EVC2: variants seen among roughly 807,000 people sequenced by gnomAD.
EVC2 encodes the protein limbin.
A neutral mutation model predicts 149.3 loss-of-function variants in EVC2; 148 were observed. The ratio of observed to expected loss-of-function variants is 0.99; its 90% CI spans 0.87 to 1.14. EVC2 has a LOEUF of 1.14. EVC2 is among the 50% of genes most tolerant of loss of function. The probability of loss-of-function intolerance (pLI) is 0.00; values close to 1 mark genes in which losing one functional copy is unlikely to be tolerated. For missense variants in EVC2, 1,854 were observed against 1,627.3 expected (o/e 1.14, Z -2.40); for synonymous variants, 776 against 649.9 (o/e 1.19, Z -2.95).
In EVC2 at chr4:5,580,055, T is replaced by A. The variant is rs1215067935; in HGVS notation, c.3058-3601A>T. Among the ~76,000 whole-genome samples the A allele has an allele frequency of 2.6e-5, 4 of 152,192 alleles. 1 individual carries two copies. The highest frequency in any genetic ancestry group is 5.9e-5 in the Non-Finnish European group (4 of 68,040). Reference sequence around the variant, plus strand: ...ATATGTTCCAATTTTGCAAAATGAGTCTAAATCTTTCATCAGATGAGGTGC... The same window carrying A: ...ATATGTTCCAATTTTGCAAAATGAGACTAAATCTTTCATCAGATGAGGTGC... On this transcript the variant is annotated intron_variant, in intron 17 of 21. Transcript: ENST00000344408.
At chr4:5,652,262 G>A (rs979118211) in intron 9 of EVC2, among the ~76,000 whole-genome samples, 3 of 152,202 alleles carry the variant, frequency 2.0e-5, no homozygotes, top group African/African-American at 7.2e-5. Flanking sequence ...CCCACGCAGG[G>A]ACCAGTGTGG....
intron 16 of EVC2, among the ~76,000 whole-genome samples, chr4:5,597,496 G>C (rs1389110175): frequency 2.7e-5 from 4 of 150,660 alleles, no homozygotes; most frequent in Non-Finnish European, 6.0e-5. Flanking sequence ...ATGCAGAAAA[G>C]GCCTTTGACA....
chr4:5,635,943 A>G (rs1264941358), intron 10 of EVC2, among the ~76,000 whole-genome samples: 1 of 152,168 alleles, frequency 6.6e-6, no homozygotes, highest in African/African-American at 2.4e-5. Flanking sequence ...CTTCAAGTAG[A>G]AAGAGTTCAC....
chr4:5,662,905 C>T (rs2108895517), intron 9 of EVC2, among the ~76,000 whole-genome samples: 1 of 151,876 alleles, frequency 6.6e-6, no homozygotes, highest in Middle Eastern at 3.4e-3. Flanking sequence ...CTAGATCAGA[C>T]TTCCTTAGAG....
In EVC2 at chr4:5,708,389, AG is replaced by A; in HGVS notation, c.124del (p.Leu42SerfsTer19). The A allele has an allele frequency of 1.3e-6, 2 of 1,495,500 alleles. No individual in the cohort carries two copies. Among genetic ancestry groups the A allele is most frequent in the Non-Finnish European group, 1.8e-6 (2 of 1,129,950 alleles). The allele number at this position is 1,495,500 out of a possible 1,614,324, so 92.6% of individuals were successfully genotyped here. ...GASSRPRWRP[L>X]GAQPPRDPQV... is the part of the protein sequence containing the mutation. ...GGGATCCCGGGGTGGCTGCGCGCCG[AG>A]GGGGCGCCAGCGGGGACGTGAGCTG... is the stretch of plus-strand genomic sequence containing the variant. On this transcript the variant is annotated frameshift_variant, in exon 1 of 22. Coordinates refer to ENST00000344408, the MANE Select transcript of EVC2 (RefSeq NM_147127.5). LOFTEE classifies it high-confidence loss of function.
Position 5,691,266 on chromosome 4 carries a change from A to G in EVC2, c.518T>C (p.Leu173Pro). The change falls in exon 4 of 22, where the codon CTG becomes CCG. Residue 173 changes from leucine to proline, a missense_variant and splice_region_variant. Physicochemically the swap from Leu to Pro is moderately conservative, Grantham distance 98. Transcript: ENST00000344408. ...TATACACCACCAGTGGAAACTTACC[A>G]GTGCACATTTCTGAAAAATTACTCC... Reference protein sequence around the residue: ...ENGVIFQKCALVSGSSEAQTA... With the variant: ...ENGVIFQKCAPVSGSSEAQTA... The G allele has an allele frequency of 1.2e-6, 2 of 1,613,074 alleles. No homozygotes were observed. Among genetic ancestry groups the G allele is most frequent in the Non-Finnish European group, 1.7e-6 (2 of 1,179,142 alleles).
At chr4:5,552,467 G>C (rs1380346585) in intron 21 of EVC2, among the ~76,000 whole-genome samples, 2 of 152,166 alleles carry the variant, frequency 1.3e-5, no homozygotes, top group Admixed American at 6.5e-5. Flanking sequence ...AAATATTTAT[G>C]GATGAAATTA....
At chr4:5,664,258 C>T (rs553773187) in intron 8 of EVC2, among the ~76,000 whole-genome samples, 1 of 152,300 alleles carries the variant, frequency 6.6e-6, no homozygotes, top group East Asian at 1.9e-4. Flanking sequence ...TAACCCCAAT[C>T]CAACTCTGAA....
At chr4:5,551,686 G>A (rs1339010911) in intron 21 of EVC2, among the ~76,000 whole-genome samples, 1 of 152,134 alleles carries the variant, frequency 6.6e-6, no homozygotes, top group Non-Finnish European at 1.5e-5. Context: ...ATTAGGGAGG[G>A]GCCAGGGGAA....
At chr4:5,540,980 C>T (rs1721501996), downstream of EVC2, among the ~76,000 whole-genome samples, 1 of 152,208 alleles carries the variant, frequency 6.6e-6, no homozygotes, top group South Asian at 2.1e-4. Flanking sequence ...CTCCCTCCCT[C>T]AACCAGGGTC....
At chr4:5,664,905 G>C (rs1345809289) in intron 8 of EVC2, among the ~76,000 whole-genome samples, 1 of 151,994 alleles carries the variant, frequency 6.6e-6, no homozygotes, top group Non-Finnish European at 1.5e-5. Flanking sequence ...GTACGTGTGG[G>C]TGATGGGGTG....
intron 5 of EVC2, among the ~76,000 whole-genome samples, chr4:5,685,753 G>A (rs575273322): frequency 7.9e-5 from 12 of 152,302 alleles, no homozygotes; most frequent in South Asian, 4.1e-4. Context: ...TGCACCACCC[G>A]CAACAGGGCT....
At chr4:5,619,744 A>C (rs1199184614) in intron 14 of EVC2, among the ~76,000 whole-genome samples, 2 of 152,186 alleles carry the variant, frequency 1.3e-5, no homozygotes, top group Admixed American at 1.3e-4. Context: ...AGCCCACTCT[A>C]ATGGAGAGAA....
intron 11 of EVC2, among the ~76,000 whole-genome samples, chr4:5,630,604 CACT>C: frequency 6.6e-6 from 1 of 152,178 alleles, no homozygotes; most frequent in East Asian, 1.9e-4. Flanking sequence ...TAGCAGTGTC[CACT>C]ACATCAGAAA....
In EVC2 at chr4:5,613,339, C is replaced by G. The variant is rs554966487; in HGVS notation, c.2829+2083G>C. 1.3e-5 allele frequency among the ~76,000 whole-genome samples: 2 copies of G among 152,296 alleles called. No individual in the cohort carries two copies. Among genetic ancestry groups the G allele is most frequent in the African/African-American group, 4.8e-5 (2 of 41,556 alleles). The stretch of plus-strand genomic sequence containing the variant: ...TTCCCTCTGCCAAACCAAACCCCAG[C>G]TTTCCCTTCACAAGCAGCTCTTCTC... On this transcript the variant is annotated intron_variant, in intron 16 of 21. Coordinates refer to ENST00000344408, the MANE Select transcript of EVC2 (RefSeq NM_147127.5). This position sits in a 1 kb window ranked among gnomAD's most constrained non-coding sequence, Gnocchi z 4.6.
At chr4:5,600,034 G>T (rs946815518) in intron 16 of EVC2, among the ~76,000 whole-genome samples, 2 of 152,138 alleles carry the variant, frequency 1.3e-5, no homozygotes, top group Admixed American at 1.3e-4. Context: ...CATTATCAAA[G>T]TGCAAATTCC....
intron 15 of EVC2, among the ~76,000 whole-genome samples, chr4:5,617,352 T>G (rs931707193): frequency 1.3e-5 from 2 of 152,158 alleles, no homozygotes; most frequent in Non-Finnish European, 2.9e-5. Context: ...GAACTTCAGG[T>G]GAGATCATGT....
At chr4:5,616,357 G>A (rs545169796) in intron 15 of EVC2, among the ~76,000 whole-genome samples, 2 of 152,324 alleles carry the variant, frequency 1.3e-5, no homozygotes, top group Admixed American at 6.5e-5. Flanking sequence ...TTTAGAGTTT[G>A]CAAGTGCCTT....
At chr4:5,530,248 A>G in the EVC2 span, among the ~76,000 whole-genome samples, 1 of 152,174 alleles carries the variant, frequency 6.6e-6, no homozygotes, top group Admixed American at 6.5e-5. Context: ...TAAAATCCCA[A>G]GGGGTTTCAA....
Sources: allele counts gnomAD v4.1 joint callset (sites outside exome capture counted in the v4.1 genomes callset), GRCh38; gene constraint gnomAD v4.1.1; non-coding constraint Gnocchi (gnomAD v3.1); transcripts MANE v1.5; gene names NCBI Gene and HGNC (gene_info 2026-07-23, HGNC 2026-07-21).